SCAI: variants seen among roughly 807,000 people sequenced by gnomAD.
SCAI encodes suppressor of cancer cell invasion, also known as protein SCAI.
In SCAI, 24 loss-of-function variants were observed where a neutral mutation model predicts 92.2. That is an observed-to-expected ratio of 0.26 (90% CI 0.19 to 0.37). The LOEUF (loss-of-function observed/expected upper bound fraction) is 0.37. SCAI is among the 10% of genes least tolerant of loss of function. The pLI is 1.00. For missense variants in SCAI, 450 were observed against 736.2 expected (o/e 0.61, Z 4.50); for synonymous variants, 261 against 258.6 (o/e 1.01, Z -0.09).
At chr9:124,980,168 A>G (rs150337443) in intron 14 of SCAI, among the ~76,000 whole-genome samples, 69 of 152,296 alleles carry the variant, frequency 4.5e-4, no homozygotes, top group African/African-American at 1.6e-3. Context: ...CATTTTCTGC[A>G]CTACAGATCC....
chr9:124,994,481 T>C (rs1483706002), intron 14 of SCAI, among the ~76,000 whole-genome samples: 2 of 152,192 alleles, frequency 1.3e-5, no homozygotes, highest in African/African-American at 4.8e-5. Context: ...TTTCAAAAAA[T>C]CAAGTGCATG....
At chr9:125,009,661 G>T (rs1326996404) in intron 9 of SCAI, among the ~76,000 whole-genome samples, 1 of 150,684 alleles carries the variant, frequency 6.6e-6, no homozygotes, top group African/African-American at 2.4e-5. Flanking sequence ...CCAAGCTGGG[G>T]GCAGATCACC....
intron 14 of SCAI, among the ~76,000 whole-genome samples, chr9:124,979,191 T>C (rs901664655): frequency 2.6e-5 from 4 of 151,820 alleles, no homozygotes; most frequent in African/African-American, 7.3e-5. Context: ...AAAAAAGATA[T>C]GGTGCAATGT....
intron 2 of SCAI, among the ~76,000 whole-genome samples, chr9:125,109,732 G>C (rs1242403178): frequency 6.6e-6 from 1 of 151,990 alleles, no homozygotes; most frequent in African/African-American, 2.4e-5. Context: ...TGTCTCCCAG[G>C]CTGGAGGGCA....
chr9:125,115,101 G>A (rs899387652), intron 2 of SCAI, among the ~76,000 whole-genome samples: 28 of 151,968 alleles, frequency 1.8e-4, no homozygotes, highest in South Asian at 8.3e-4. Context: ...AGCCGGGCGC[G>A]GTGGTTCATG....
intron 3 of SCAI, among the ~76,000 whole-genome samples, chr9:125,040,951 C>T (rs1833308696): frequency 6.6e-6 from 1 of 152,000 alleles, no homozygotes; most frequent in African/African-American, 2.4e-5. Context: ...TTTAAAAATG[C>T]TGTAATAAAT....
intron 2 of SCAI, among the ~76,000 whole-genome samples, chr9:125,135,971 CA>C (rs1359728011): frequency 0.031 from 2,537 of 81,076 alleles, 58 homozygotes; most frequent in African/African-American, 0.094. Flanking sequence ...CCATCTCAAA[CA>C]AAAAAAAAAA....
chr9:125,109,222 GA>G (rs1338460479), intron 2 of SCAI, among the ~76,000 whole-genome samples: 3 of 152,090 alleles, frequency 2.0e-5, no homozygotes, highest in African/African-American at 7.2e-5. Flanking sequence ...AAACACTGCG[GA>G]AGGCCGCAGG....
intron 14 of SCAI, among the ~76,000 whole-genome samples, chr9:124,989,805 C>T (rs1832079954): frequency 6.7e-6 from 1 of 149,370 alleles, no homozygotes; most frequent in Non-Finnish European, 1.5e-5. Context: ...ATGGCCTGAA[C>T]TTGGGGAGCA....
chr9:125,113,611 C>A (rs945924304), intron 2 of SCAI, among the ~76,000 whole-genome samples: 6 of 151,528 alleles, frequency 4.0e-5, no homozygotes, highest in Non-Finnish European at 5.9e-5. Context: ...AATCATAACA[C>A]CTCTTGTGTT....
chr9:125,051,471 T>C (rs1457629430), intron 3 of SCAI, among the ~76,000 whole-genome samples: 1 of 152,178 alleles, frequency 6.6e-6, no homozygotes, highest in Non-Finnish European at 1.5e-5. Context: ...CTTAGAAAGA[T>C]ACGACTCTAT....
At chr9:125,094,749 G>C (rs563900170) in intron 2 of SCAI, among the ~76,000 whole-genome samples, 1 of 152,246 alleles carries the variant, frequency 6.6e-6, no homozygotes, top group South Asian at 2.1e-4. Context: ...TGATCCGCCT[G>C]TCTCAGCCTC....
intron 2 of SCAI, among the ~76,000 whole-genome samples, chr9:125,073,977 C>T (rs117223881): frequency 2.3e-4 from 34 of 150,892 alleles, no homozygotes; most frequent in Non-Finnish European, 4.6e-4. Flanking sequence ...AGTTGCCAGG[C>T]GCGGTGGCTC....
intron 9 of SCAI, among the ~76,000 whole-genome samples, chr9:125,004,396 T>C (rs1832430732): frequency 6.7e-6 from 1 of 149,778 alleles, no homozygotes; most frequent in Non-Finnish European, 1.5e-5. Flanking sequence ...TGGCACAATC[T>C]CAGCTCACTG....
intron 17 of SCAI, among the ~76,000 whole-genome samples, chr9:124,954,661 A>T (rs1288758015): frequency 6.6e-6 from 1 of 152,170 alleles, no homozygotes; most frequent in African/African-American, 2.4e-5. Context: ...AGTGGCATTT[A>T]ATATATCCAG....
chr9:125,118,423 TAGG>T (rs1835094559), intron 2 of SCAI, among the ~76,000 whole-genome samples: 1 of 151,970 alleles, frequency 6.6e-6, no homozygotes, highest in Non-Finnish European at 1.5e-5. Context: ...AAGACAGAGG[TAGG>T]AGATCTCTTG....
intron 14 of SCAI, among the ~76,000 whole-genome samples, chr9:124,976,903 T>C (rs1408624374): frequency 6.6e-6 from 1 of 152,100 alleles, no homozygotes; most frequent in East Asian, 1.9e-4. Context: ...AGTCGTGCTC[T>C]TGTTGCCCAG....
intron 2 of SCAI, among the ~76,000 whole-genome samples, chr9:125,140,049 T>C (rs548611116): frequency 2.7e-5 from 4 of 150,256 alleles, no homozygotes; most frequent in Non-Finnish European, 5.9e-5. Flanking sequence ...AGTGAGACCC[T>C]GTCTCTTACA....
chr9:125,099,019 TG>T (rs1834623476), intron 2 of SCAI, among the ~76,000 whole-genome samples: 1 of 152,136 alleles, frequency 6.6e-6, no homozygotes, highest in Non-Finnish European at 1.5e-5. Flanking sequence ...TTACCGCAAA[TG>T]TTTTGAGACA....
Sources: allele counts gnomAD v4.1 joint callset (sites outside exome capture counted in the v4.1 genomes callset), GRCh38; gene constraint gnomAD v4.1.1; transcripts MANE v1.5; gene names NCBI Gene and HGNC (gene_info 2026-07-23, HGNC 2026-07-21).